ARHGEF17: variants seen among roughly 807,000 people sequenced by gnomAD.
The protein encoded by ARHGEF17 is Rho guanine nucleotide exchange factor 17.
ARHGEF17 carries 80 observed loss-of-function variants against 174.0 expected under a neutral mutation model. The observed-to-expected ratio is 0.46, with a 90% CI of 0.38 to 0.55. The LOEUF (loss-of-function observed/expected upper bound fraction) is 0.55. Among genes scored for constraint, ARHGEF17 ranks in the 20% least tolerant of loss-of-function variants. ARHGEF17 has a pLI of 0.00. For synonymous variants in ARHGEF17, 1,311 were observed against 1,189.1 expected (o/e 1.10, Z -2.11); for missense variants, 2,886 against 2,839.7 (o/e 1.02, Z -0.37).
Position 73,366,034 on chromosome 11 carries a change from G to C in ARHGEF17, c.5995+87G>C. 2.7e-6 allele frequency: 4 copies of C among 1,502,730 alleles called. No individual in the cohort carries two copies. In the South Asian group the frequency reaches 3.8e-5, roughly 14 times the overall value. 93.1% of individuals were successfully genotyped at this position (1,502,730 alleles called of 1,614,324 possible). ...TATCCTGCCAGAAGAGCTTTCAAGAGGGAGGAAAAGTGTCACATAGAGCTG... is the reference window on the plus strand; with the variant it reads ...TATCCTGCCAGAAGAGCTTTCAAGACGGAGGAAAAGTGTCACATAGAGCTG... On this transcript the variant is annotated intron_variant, in intron 20 of 20. Coordinates refer to ENST00000263674, the MANE Select transcript of ARHGEF17 (RefSeq NM_014786.4).
intron 1 of ARHGEF17, among the ~76,000 whole-genome samples, chr11:73,326,364 G>A (rs1038351999): frequency 3.3e-5 from 5 of 152,156 alleles, no homozygotes; most frequent in African/African-American, 1.2e-4. Flanking sequence ...TTCTGGAGAG[G>A]TCAGGTGGGC....
rs1246156729 is a variant in ARHGEF17, at chr11:73,364,472, A to C, written c.5422A>C (p.Asn1808His). ...TCCAGGCCATTTCTGGGACCCCCAG[A>C]ACTTCAAATCAGTGACCTTGGGCAC... ...REAGHFWDPQ[N>H]FKSVTLGTQG... is the part of the protein sequence containing the mutation. The change falls in exon 18 of 21, where the codon AAC (asparagine) becomes CAC (histidine). Residue 1808 changes from asparagine (N) to histidine (H), a missense_variant. Asn to His is a moderately conservative substitution (Grantham distance 68). Coordinates refer to ENST00000263674, the MANE Select transcript of ARHGEF17 (RefSeq NM_014786.4). The C allele has an allele frequency of 1.2e-6, 2 of 1,613,326 alleles. No individual in the cohort carries two copies. The highest frequency in any genetic ancestry group is 1.7e-6 in the Non-Finnish European group (2 of 1,179,936).
At position 73,309,227 on chromosome 11, in the gene ARHGEF17, C is replaced by G. The variant is rs1864756890; in HGVS notation, c.589C>G (p.Leu197Val). ...GACCGGGCCGGAGACCGAAGGGAGG[C>G]TGCGCCGGCCGCAGCAGCAACAGGA... ...PLTGPETEGR[L>V]RRPQQQQERA... The change falls in exon 1 of 21, where the codon CTG (leucine) becomes GTG (valine). Residue 197 changes from leucine to valine, a missense_variant. This residue lies in a region of ARHGEF17 where 1,728 missense variants were observed against 1,461.2 expected (regional missense o/e 1.18). Transcript: ENST00000263674. The G allele has an allele frequency of 6.2e-7, 1 of 1,601,786 alleles. No individual in the cohort carries two copies. Among genetic ancestry groups the G allele is most frequent in the African/African-American group, 1.3e-5 (1 of 74,224 alleles).
intron 20 of ARHGEF17, among the ~76,000 whole-genome samples, chr11:73,366,955 A>G (rs1367011962): frequency 6.6e-6 from 1 of 152,056 alleles, no homozygotes; most frequent in African/African-American, 2.4e-5. Flanking sequence ...CAGGAGAATC[A>G]CTTGAACCAG....
intron 1 of ARHGEF17, among the ~76,000 whole-genome samples, chr11:73,328,747 G>C (rs76381799): frequency 6.6e-6 from 1 of 152,224 alleles, no homozygotes; most frequent in Non-Finnish European, 1.5e-5. Context: ...TCTTCATTCA[G>C]TGGGAACCTC....
chr11:73,323,836 G>A (rs1865058120), intron 1 of ARHGEF17, among the ~76,000 whole-genome samples: 1 of 152,236 alleles, frequency 6.6e-6, no homozygotes, highest in African/African-American at 2.4e-5. Flanking sequence ...ACCTGGACGT[G>A]GTGCCTGGGC....
chr11:73,343,444 C>T (rs1865408874), intron 1 of ARHGEF17, among the ~76,000 whole-genome samples: 1 of 151,998 alleles, frequency 6.6e-6, no homozygotes, highest in African/African-American at 2.4e-5. Flanking sequence ...CCCTGGCAGG[C>T]GGTGGTGTGG....
intron 7 of ARHGEF17, 29 bp from the exon 8 acceptor site, chr11:73,356,996 C>T (rs1049291652): frequency 3.1e-6 from 5 of 1,610,274 alleles, no homozygotes; most frequent in Non-Finnish European, 4.2e-6. Flanking sequence ...TGTGTCCACC[C>T]AGCCTGAATT....
chr11:73,310,354 G>C lies in ARHGEF17; in HGVS notation c.1716G>C (p.Leu572=), dbSNP rs574600996. The part of the protein sequence containing the change: ...SALKSSSSEL[L]LTGPGAEEDP... ...TGAAGTCCAGCTCCTCCGAGCTCCT[G>C]CTCACAGGCCCTGGTGCCGAGGAGG... is the stretch of plus-strand genomic sequence containing the variant. The change falls in exon 1 of 21, where the codon CTG becomes CTC. Residue 572 remains leucine (L), a synonymous_variant. Transcript: ENST00000263674. 1.9e-6 allele frequency: 3 copies of C among 1,613,844 alleles called. No individual in the cohort carries two copies. Among genetic ancestry groups the C allele is most frequent in the African/African-American group, 1.3e-5 (1 of 75,068 alleles).
intron 2 of ARHGEF17, among the ~76,000 whole-genome samples, chr11:73,351,326 T>TG (rs1865549495): frequency 7.5e-6 from 1 of 133,958 alleles, no homozygotes; most frequent in African/African-American, 3.8e-5. Flanking sequence ...AACACCCTCC[T>TG]GTTTTTTTTA....
Position 73,362,727 on chromosome 11 carries a change from C to T in ARHGEF17, c.4989C>T (p.Ser1663=). The change falls in exon 14 of 21, where the codon AGC becomes AGT. Residue 1663 remains serine (S), a synonymous_variant. Transcript: ENST00000263674. ...SQASRSTISS[S]FGNEETPSSK... Reference sequence around the variant, plus strand: ...CCAGCCGGTCCACCATCTCCTCCAGCTTTGGCAGTGAGCTTTGGCCATCTC... The same window carrying T: ...CCAGCCGGTCCACCATCTCCTCCAGTTTTGGCAGTGAGCTTTGGCCATCTC... 6.2e-7 allele frequency: 1 copy of T among 1,601,648 alleles called. No individual in the cohort carries two copies. Among genetic ancestry groups the T allele is most frequent in the Non-Finnish European group, 8.5e-7 (1 of 1,175,956 alleles).
In ARHGEF17 at chr11:73,309,070, C is replaced by T; in HGVS notation, c.432C>T (p.Asp144=). ...GGPGSRRPSA[D]SESPGTPSPD... is the part of the protein sequence containing the mutation. The stretch of plus-strand genomic sequence containing the variant: ...CTGGCTCCAGGAGGCCCAGCGCCGA[C>T]TCTGAATCCCCAGGAACGCCCAGCC... The change falls in exon 1 of 21, where the codon GAC becomes GAT. Residue 144 remains aspartate (D), a synonymous_variant. Transcript: ENST00000263674. 6.6e-7 allele frequency: 1 copy of T among 1,516,010 alleles called. No individual in the cohort carries two copies. The highest frequency in any genetic ancestry group is 1.4e-5 in the African/African-American group (1 of 69,176). The allele number at this position is 1,516,010 out of a possible 1,614,324, so 93.9% of individuals were successfully genotyped here.
Position 73,308,712 on chromosome 11 carries a change from GC to G in ARHGEF17, c.78del (p.Leu28Ter), listed in dbSNP as rs1248221004. The G allele has an allele frequency of 4.6e-6, 7 of 1,514,536 alleles. No homozygotes were observed. In the Admixed American group the frequency reaches 8.5e-5, roughly 18 times the overall value. The allele number at this position is 1,514,536 out of a possible 1,614,324, so 93.8% of individuals were successfully genotyped here. ...SFKLLERWSGGPGLREEDTDT... is the reference protein window; with the variant it reads ...SFKLLERWSGXPGLREEDTDT... ...AAGCTGCTGGAGCGCTGGAGCGGCG[GC>G]CCCGGGCTGAGGGAGGAGGACACGG... On this transcript the variant is annotated frameshift_variant, in exon 1 of 21. Transcript: ENST00000263674. LOFTEE classifies it high-confidence loss of function.
Position 73,309,446 on chromosome 11 carries a change from C to T in ARHGEF17, c.808C>T (p.His270Tyr), listed in dbSNP as rs1323052965. The change falls in exon 1 of 21, where the codon CAC becomes TAC. Residue 270 changes from histidine to tyrosine, a missense_variant. Physicochemically the swap from His to Tyr is moderately conservative, Grantham distance 83 (BLOSUM62 2). Transcript: ENST00000263674. Reference protein sequence around the residue: ...QLPGAQSPAYHGGHSSGSDDD... With the variant: ...QLPGAQSPAYYGGHSSGSDDD... ...GCCTGGAGCCCAGAGTCCGGCCTAC[C>T]ACGGCGGCCACTCCTCGGGCAGTGA... The T allele has an allele frequency of 2.6e-6, 4 of 1,540,662 alleles. No homozygotes were observed. Among genetic ancestry groups the T allele is most frequent in the Non-Finnish European group, 3.5e-6 (4 of 1,141,846 alleles).
At position 73,365,615 on chromosome 11, in the gene ARHGEF17, T is replaced by C; in HGVS notation, c.5725+51T>C. Reference sequence around the variant, plus strand: ...CCCTCCTTGGAGCCTTTCTGCCCGATCGTAGAGGCGGCTGAGCCAGGGCCA... The same window carrying C: ...CCCTCCTTGGAGCCTTTCTGCCCGACCGTAGAGGCGGCTGAGCCAGGGCCA... On this transcript the variant is annotated intron_variant, in intron 19 of 20. Coordinates refer to ENST00000263674, the MANE Select transcript of ARHGEF17 (RefSeq NM_014786.4). The surrounding 1 kb of genome is among the most constrained non-coding windows in gnomAD (Gnocchi z 4.9). 3.7e-6 allele frequency: 6 copies of C among 1,608,518 alleles called. No individual in the cohort carries two copies. The highest frequency in any genetic ancestry group is 5.1e-6 in the Non-Finnish European group (6 of 1,175,376).
At chr11:73,319,570 C>A (rs1166283125) in intron 1 of ARHGEF17, among the ~76,000 whole-genome samples, 1 of 152,218 alleles carries the variant, frequency 6.6e-6, no homozygotes, top group Admixed American at 6.5e-5. Context: ...AGGCAAAGGA[C>A]CAGGCTGTTG....
At chr11:73,349,249 A>G (rs142634120) in intron 2 of ARHGEF17, among the ~76,000 whole-genome samples, 275 of 152,304 alleles carry the variant, frequency 1.8e-3, no homozygotes, top group African/African-American at 6.3e-3. Context: ...ATACTAGCCT[A>G]ATCACCTCAC....
In ARHGEF17 at chr11:73,309,819, C is replaced by G; in HGVS notation, c.1181C>G (p.Ser394Cys). 1 of 1,613,146 alleles carries G rather than the reference C, an allele frequency of 6.2e-7. No homozygotes were observed. Among genetic ancestry groups the G allele is most frequent in the Non-Finnish European group, 8.5e-7 (1 of 1,180,008 alleles). The change falls in exon 1 of 21, where the codon TCC becomes TGC. Residue 394 changes from serine to cysteine, a missense_variant. Physicochemically the swap from Ser to Cys is moderately radical, Grantham distance 112 (BLOSUM62 -1). Coordinates refer to ENST00000263674, the MANE Select transcript of ARHGEF17 (RefSeq NM_014786.4). Reference protein sequence around the residue: ...PAGSRGSSRYSSTETLKDDDL... With the variant: ...PAGSRGSSRYCSTETLKDDDL... Reference sequence around the variant, plus strand: ...GGCTCCCGCGGTAGCAGCCGTTATTCCAGCACGGAGACCCTCAAGGACGAC... The same window carrying G: ...GGCTCCCGCGGTAGCAGCCGTTATTGCAGCACGGAGACCCTCAAGGACGAC...
Position 73,365,641 on chromosome 11 carries a change from G to C in ARHGEF17, c.5726-37G>C. The C allele has an allele frequency of 1.2e-6, 2 of 1,608,206 alleles. No homozygotes were observed. The highest frequency in any genetic ancestry group is 1.7e-6 in the Non-Finnish European group (2 of 1,175,346). ...CGTAGAGGCGGCTGAGCCAGGGCCA[G>C]AATTCAGCCCCAGCTGTGGTCTGTC... On this transcript the variant is annotated intron_variant, in intron 19 of 20. Coordinates refer to ENST00000263674, the MANE Select transcript of ARHGEF17 (RefSeq NM_014786.4). This position sits in a 1 kb window ranked among gnomAD's most constrained non-coding sequence, Gnocchi z 4.9.
Sources: allele counts gnomAD v4.1 joint callset (sites outside exome capture counted in the v4.1 genomes callset), GRCh38; gene constraint gnomAD v4.1.1; regional missense constraint gnomAD v4.1.1; non-coding constraint Gnocchi (gnomAD v3.1); transcripts MANE v1.5; gene names NCBI Gene and HGNC (gene_info 2026-07-23, HGNC 2026-07-21).